Variants in CNTNAP2 observed in about 807,000 individuals in gnomAD.
CNTNAP2 encodes contactin associated protein 2.
Under a neutral mutation model 155.2 loss-of-function variants are expected in CNTNAP2, and 98 were observed. The ratio of observed to expected loss-of-function variants is 0.63; its 90% CI spans 0.54 to 0.75. The LOEUF (loss-of-function observed/expected upper bound fraction) is 0.75, where lower values mean the gene tolerates loss of function less well. Ranked by LOEUF, CNTNAP2 falls within the 30% of genes least tolerant of loss-of-function variation. The pLI is 0.00. For missense variants in CNTNAP2, 1,727 were observed against 1,688.1 expected (o/e 1.02, Z -0.40); for synonymous variants, 651 against 631.2 (o/e 1.03, Z -0.47).
chr7:147,809,157 G>T (rs1798141110), intron 13 of CNTNAP2, among the ~76,000 whole-genome samples: 1 of 152,182 alleles, frequency 6.6e-6, no homozygotes, highest in African/African-American at 2.4e-5. Context: ...ACCTAGATGA[G>T]GTACAATGTG....
intron 1 of CNTNAP2, among the ~76,000 whole-genome samples, chr7:146,491,850 T>C (rs1563105090): frequency 6.6e-6 from 1 of 152,154 alleles, no homozygotes; most frequent in African/African-American, 2.4e-5. Flanking sequence ...CAGAAAAAGG[T>C]AATTCATCTT....
intron 11 of CNTNAP2, among the ~76,000 whole-genome samples, chr7:147,540,269 C>G (rs1799615551): frequency 2.0e-5 from 3 of 152,112 alleles, no homozygotes; most frequent in Admixed American, 2.0e-4. Context: ...ACACTCTTAC[C>G]TCCATCCTTT....
chr7:146,753,460 A>AC (rs1196769610), intron 1 of CNTNAP2, among the ~76,000 whole-genome samples: 1 of 152,058 alleles, frequency 6.6e-6, no homozygotes, highest in African/African-American at 2.4e-5. Flanking sequence ...AATTTAACCA[A>AC]CTGTGTATGA....
At chr7:146,591,934 T>C (rs531788144) in intron 1 of CNTNAP2, among the ~76,000 whole-genome samples, 27 of 152,296 alleles carry the variant, frequency 1.8e-4, no homozygotes, top group Middle Eastern at 3.4e-3. Context: ...TCAATATCCT[T>C]CTCCTCCAGT....
chr7:148,114,498 G>A (rs181871006), intron 15 of CNTNAP2, among the ~76,000 whole-genome samples: 3 of 152,252 alleles, frequency 2.0e-5, no homozygotes, highest in East Asian at 3.9e-4. Flanking sequence ...GGCTTTCATG[G>A]AGTCTATGAT....
intron 9 of CNTNAP2, among the ~76,000 whole-genome samples, chr7:147,368,005 T>G (rs956329681): frequency 2.7e-5 from 3 of 112,922 alleles, no homozygotes; most frequent in African/African-American, 1.1e-4. Flanking sequence ...TCTCTCTGTC[T>G]CTCTCTCTCC....
chr7:148,091,972 G>A (rs534652257), intron 15 of CNTNAP2, among the ~76,000 whole-genome samples: 4 of 152,286 alleles, frequency 2.6e-5, no homozygotes, highest in South Asian at 4.1e-4. Context: ...TAGTTATCAG[G>A]AAGGAGGTAA....
intron 13 of CNTNAP2, among the ~76,000 whole-genome samples, chr7:147,819,764 T>C (rs1798334064): frequency 6.6e-6 from 1 of 152,190 alleles, no homozygotes; most frequent in Non-Finnish European, 1.5e-5. Context: ...TTTCACCTGT[T>C]GTGGAATTTT....
chr7:147,466,186 C>A (rs1798116796), intron 10 of CNTNAP2, among the ~76,000 whole-genome samples: 2 of 152,150 alleles, frequency 1.3e-5, no homozygotes, highest in South Asian at 2.1e-4. Flanking sequence ...GAAAAAAGGG[C>A]CTGATCTAAT....
chr7:146,420,495 A>T (rs751227390), intron 1 of CNTNAP2, among the ~76,000 whole-genome samples: 1 of 152,068 alleles, frequency 6.6e-6, no homozygotes, highest in Non-Finnish European at 1.5e-5. Flanking sequence ...TCTATTATTG[A>T]GATGAAAATA....
intron 1 of CNTNAP2, among the ~76,000 whole-genome samples, chr7:146,373,405 T>TACACACACACAC (rs3050924): frequency 7.0e-5 from 10 of 143,642 alleles, no homozygotes; most frequent in African/African-American, 2.5e-4. Context: ...ACTTAACACA[T>TACACACACACAC]ACACACACAC....
chr7:147,823,363 G>T (rs1022414260), intron 13 of CNTNAP2, among the ~76,000 whole-genome samples: 8 of 152,020 alleles, frequency 5.3e-5, no homozygotes, highest in African/African-American at 1.9e-4. Flanking sequence ...CACTCCCTAG[G>T]GCCTTGTTCT....
chr7:148,142,091 CTCTG>C (rs1282495387), intron 16 of CNTNAP2, among the ~76,000 whole-genome samples: 3 of 100,022 alleles, frequency 3.0e-5, no homozygotes, highest in Admixed American at 9.9e-5. Flanking sequence ...AGAGATATGT[CTCTG>C]TGTGTGTGTG....
intron 1 of CNTNAP2, among the ~76,000 whole-genome samples, chr7:146,213,077 G>A (rs1365342538): frequency 2.0e-5 from 3 of 152,100 alleles, no homozygotes; most frequent in East Asian, 1.9e-4. Context: ...TCAACGACTG[G>A]GGAGTAGTTG....
chr7:147,735,912 G>T (rs1452495670), intron 13 of CNTNAP2, among the ~76,000 whole-genome samples: 1 of 150,978 alleles, frequency 6.6e-6, no homozygotes, highest in Non-Finnish European at 1.5e-5. Context: ...GAGCCTATGT[G>T]TGTCTCTGCA....
intron 3 of CNTNAP2, among the ~76,000 whole-genome samples, chr7:146,866,132 C>T (rs1241083256): frequency 6.6e-6 from 1 of 152,076 alleles, no homozygotes; most frequent in East Asian, 1.9e-4. Flanking sequence ...TTCCCCCCGA[C>T]AGTTTCTCAT....
At chr7:147,561,100 C>T (rs1800054368) in intron 11 of CNTNAP2, among the ~76,000 whole-genome samples, 1 of 151,952 alleles carries the variant, frequency 6.6e-6, no homozygotes, top group Non-Finnish European at 1.5e-5. Flanking sequence ...TGAGACCCTC[C>T]TCAGTGAAAG....
intron 3 of CNTNAP2, among the ~76,000 whole-genome samples, chr7:146,892,420 G>A (rs1275989688): frequency 6.6e-6 from 1 of 152,136 alleles, no homozygotes; most frequent in East Asian, 1.9e-4. Context: ...AGTTTTAAGA[G>A]GCAGAGACAG....
At chr7:147,922,282 G>A (rs1289107734) in intron 14 of CNTNAP2, among the ~76,000 whole-genome samples, 1 of 152,204 alleles carries the variant, frequency 6.6e-6, no homozygotes, top group Non-Finnish European at 1.5e-5. Flanking sequence ...CTAAATGTAT[G>A]AATTGGTTTT....
Sources: gnomAD v4.1 joint callset for allele counts (sites outside exome capture counted in the v4.1 genomes callset) on GRCh38, gnomAD v4.1.1 for gene constraint, MANE v1.5 for transcripts, NCBI Gene and HGNC (gene_info 2026-07-23, HGNC 2026-07-21) for gene names.